CDH3: variants seen among roughly 807,000 people sequenced by gnomAD.
CDH3 encodes the protein cadherin-3.
Under a neutral mutation model 82.0 loss-of-function variants are expected in CDH3, and 54 were observed. The ratio of observed to expected loss-of-function variants is 0.66; its 90% CI spans 0.53 to 0.83. The LOEUF (loss-of-function observed/expected upper bound fraction) is 0.83. CDH3 is among the 40% of genes least tolerant of loss of function. The pLI is 0.00. For missense variants in CDH3, 1,054 were observed against 1,084.6 expected (o/e 0.97, Z 0.40); for synonymous variants, 446 against 437.9 (o/e 1.02, Z -0.23).
intron 13 of CDH3, among the ~76,000 whole-genome samples, chr16:68,693,194 T>C (rs906582293): frequency 6.6e-6 from 1 of 152,198 alleles, no homozygotes; most frequent in African/African-American, 2.4e-5. Flanking sequence ...TAGGTTATTG[T>C]GAAGACTCTG....
chr16:68,680,680 A>G lies in CDH3; in HGVS notation c.868-288A>G, dbSNP rs578134147. On this transcript the variant is annotated intron_variant, in intron 7 of 15. Transcript: ENST00000264012. ...GGCGACAGGGCAAGATCCTGTCTCA[A>G]AAACAAAAGCAAGACTCATTCTGGA... 1.9e-4 allele frequency among the ~76,000 whole-genome samples: 29 copies of G among 152,326 alleles called. No homozygotes were observed. The South Asian group carries it at 3.9e-3, about 21-fold the overall frequency.
intron 11 of CDH3, chr16:68,686,639 TA>T: frequency 1.1e-6 from 1 of 933,184 alleles, no homozygotes; most frequent in Non-Finnish European, 1.8e-6. Flanking sequence ...TGACAAGGAT[TA>T]TCTCCTATTT....
At position 68,654,380 on chromosome 16, in the gene CDH3, A is replaced by ATTTTT. The variant is rs1176713669; in HGVS notation, c.160+8664_160+8668dup. ...GGCCTTTTTCTTAATTTTTAAATTA[A>ATTTTT]TTTTTTTTTTTTTTTTTTTTTTTTT... On this transcript the variant is annotated intron_variant, in intron 2 of 15. Coordinates refer to ENST00000264012, the MANE Select transcript of CDH3 (RefSeq NM_001793.6). Among the ~76,000 whole-genome samples, 75 of 48,534 alleles carry ATTTTT rather than the reference A, an allele frequency of 1.5e-3. 10 individuals are homozygous for ATTTTT. Among genetic ancestry groups the ATTTTT allele is most frequent in the Non-Finnish European group, 1.9e-3 (56 of 29,224 alleles). 31.8% of individuals were successfully genotyped at this position (48,534 alleles called of 152,430 possible). A position where few individuals can be genotyped will look rare whatever the true frequency, so the allele number is the denominator to read the frequency against.
At chr16:68,667,452 T>C (rs985898220) in intron 2 of CDH3, among the ~76,000 whole-genome samples, 2 of 152,216 alleles carry the variant, frequency 1.3e-5, no homozygotes, top group South Asian at 2.1e-4. Context: ...GATCACTTGA[T>C]GGACATTTTG....
chr16:68,680,948 C>T lies in CDH3; in HGVS notation c.868-20C>T. The T allele has an allele frequency of 6.2e-7, 1 of 1,613,908 alleles. No individual in the cohort carries two copies. The highest frequency in any genetic ancestry group is 8.5e-7 in the Non-Finnish European group (1 of 1,179,842). On this transcript the variant is annotated intron_variant, in intron 7 of 15. Coordinates refer to ENST00000264012, the MANE Select transcript of CDH3 (RefSeq NM_001793.6). ...TTCAGATTAAACTCACAATGGGCTTCCCCTCTCCTTTCTCCCCAGAAAGTC... is the reference window on the plus strand; with the variant it reads ...TTCAGATTAAACTCACAATGGGCTTTCCCTCTCCTTTCTCCCCAGAAAGTC...
intron 1 of CDH3, among the ~76,000 whole-genome samples, chr16:68,720,254 T>A (rs1360561649): frequency 6.7e-6 from 1 of 150,046 alleles, no homozygotes; most frequent in Non-Finnish European, 1.5e-5. Context: ...TTTTTTAACA[T>A]GAGGGGAGGC....
chr16:68,660,678 G>T (rs1434531373), intron 2 of CDH3, among the ~76,000 whole-genome samples: 5 of 152,110 alleles, frequency 3.3e-5, no homozygotes. Context: ...CCACAAATAG[G>T]CTGGGCGCTG....
At position 68,682,484 on chromosome 16, in the gene CDH3, G is replaced by A; in HGVS notation, c.1179G>A (p.Arg393=). 2 of 1,614,078 alleles carry A rather than the reference G, an allele frequency of 1.2e-6. No homozygotes were observed. Among genetic ancestry groups the A allele is most frequent in the Non-Finnish European group, 1.7e-6 (2 of 1,180,026 alleles). ...PESNQGILTT[R]KGLDFEAKNQ... Reference sequence around the variant, plus strand: ...GCAACCAGGGCATCCTGACAACCAGGAAGGTGAGTCAGTTCGGGCCTCAGA... The same window carrying A: ...GCAACCAGGGCATCCTGACAACCAGAAAGGTGAGTCAGTTCGGGCCTCAGA... The change falls in exon 9 of 16, where the codon AGG becomes AGA. Residue 393 remains arginine, a synonymous_variant. Transcript: ENST00000264012.
At chr16:68,691,948 C>G (rs754253074) in intron 13 of CDH3, 22 bp downstream of exon 13, 24 of 1,583,396 alleles carry the variant, frequency 1.5e-5, no homozygotes, top group South Asian at 3.3e-5. Context: ...GCCCCCACCC[C>G]CTCCCTGAGG....
At position 68,645,740 on chromosome 16, in the gene CDH3, G is replaced by T; in HGVS notation, c.150G>T (p.Ala50=). The T allele has an allele frequency of 6.5e-7, 1 of 1,544,140 alleles. No individual in the cohort carries two copies. The change falls in exon 2 of 16, where the codon GCG becomes GCT. Residue 50 remains alanine, a synonymous_variant. Coordinates refer to ENST00000264012, the MANE Select transcript of CDH3 (RefSeq NM_001793.6). The part of the protein sequence containing the change: ...AGGAEQEPGQ[A]LGKVFMGCPG... ...GCGCGGAGCAGGAGCCCGGCCAGGC[G>T]CTGGGGAAAGGTAAGATCCTCAGGG... is the stretch of plus-strand genomic sequence containing the variant.
chr16:68,731,838 A>G (rs11075698), downstream of CDH3, among the ~76,000 whole-genome samples: 122,172 of 151,566 alleles, frequency 0.81, 49,994 homozygotes, highest in Non-Finnish European at 0.89. Context: ...ATCCTGTCTC[A>G]AAAACAAACA....
At chr16:68,703,883 G>C (rs955339230), downstream of CDH3, among the ~76,000 whole-genome samples, 1 of 150,876 alleles carries the variant, frequency 6.6e-6, no homozygotes, top group Middle Eastern at 3.6e-3. Context: ...GGAGGCAGAG[G>C]TTGCAGTGAG....
At chr16:68,675,774 C>A (rs1961014392) in intron 2 of CDH3, among the ~76,000 whole-genome samples, 1 of 142,778 alleles carries the variant, frequency 7.0e-6, no homozygotes, top group Admixed American at 7.3e-5. Flanking sequence ...AGCCTGGTGA[C>A]AGAGCAAGAC....
chr16:68,686,547 G>A, intron 11 of CDH3: 4 of 1,164,542 alleles, frequency 3.4e-6, no homozygotes, highest in South Asian at 2.4e-5. Flanking sequence ...AAAGGAAAGG[G>A]TGGAGGGATT....
intron 2 of CDH3, among the ~76,000 whole-genome samples, chr16:68,650,053 G>A (rs1960194252): frequency 6.6e-6 from 1 of 151,580 alleles, no homozygotes; most frequent in Non-Finnish European, 1.5e-5. Flanking sequence ...AAAAAAACCT[G>A]AGGACCACAG....
rs148223489 is a variant in CDH3, at chr16:68,652,193, G to A, written c.160+6443G>A. Among the ~76,000 whole-genome samples the A allele has an allele frequency of 6.4e-4, 98 of 152,222 alleles. 1 individual carries two copies. The highest frequency in any genetic ancestry group is 2.1e-3 in the African/African-American group (88 of 41,530). On this transcript the variant is annotated intron_variant, in intron 2 of 15. Coordinates refer to ENST00000264012, the MANE Select transcript of CDH3 (RefSeq NM_001793.6). ...GGGAGATATCCATAAATGTGGCTCC[G>A]AGGAGTGAATGGGAACTGGACCTTC...
intron 12 of CDH3, among the ~76,000 whole-genome samples, chr16:68,689,577 A>C (rs952811361): frequency 6.6e-6 from 1 of 151,600 alleles, no homozygotes; most frequent in African/African-American, 2.4e-5. Flanking sequence ...AAAAGTGCCC[A>C]TTTAGTCACC....
At chr16:68,689,017 C>T (rs536457215) in intron 12 of CDH3, among the ~76,000 whole-genome samples, 3 of 152,296 alleles carry the variant, frequency 2.0e-5, no homozygotes, top group East Asian at 1.9e-4. Context: ...ATACCTGTAA[C>T]AGTATTGATC....
chr16:68,682,820 C>T (rs1170688499), intron 9 of CDH3, among the ~76,000 whole-genome samples: 1 of 152,204 alleles, frequency 6.6e-6, no homozygotes, highest in African/African-American at 2.4e-5. Context: ...TGCATTTACT[C>T]TAAAACTCAT....
Sources: gnomAD v4.1 joint callset for allele counts (sites outside exome capture counted in the v4.1 genomes callset) on GRCh38, gnomAD v4.1.1 for gene constraint, MANE v1.5 for transcripts, NCBI Gene and HGNC (gene_info 2026-07-23, HGNC 2026-07-21) for gene names.